CDK13: variants seen among roughly 807,000 people sequenced by gnomAD.
The protein encoded by CDK13 is cyclin-dependent kinase 13.
Under a neutral mutation model 137.6 loss-of-function variants are expected in CDK13, and 40 were observed. The observed-to-expected ratio is 0.29, with a 90% CI of 0.23 to 0.38. The LOEUF is 0.38. CDK13 is among the 10% of genes least tolerant of loss of function. The probability of loss-of-function intolerance (pLI) is 1.00; values close to 1 mark genes in which losing one functional copy is unlikely to be tolerated. For missense variants in CDK13, 1,704 were observed against 1,951.8 expected (o/e 0.87, Z 2.39); for synonymous variants, 869 against 760.1 (o/e 1.14, Z -2.36).
At chr7:40,025,879 AC>A (rs1239928482) in intron 5 of CDK13, among the ~76,000 whole-genome samples, 1 of 152,226 alleles carries the variant, frequency 6.6e-6, no homozygotes, top group Non-Finnish European at 1.5e-5. Context: ...TAGTTTTAAT[AC>A]CAGTTCTGCT....
Position 40,092,572 on chromosome 7 carries a change from A to T in CDK13, c.3236-213A>T, listed in dbSNP as rs1363360491. 7.7e-6 allele frequency: 4 copies of T among 522,456 alleles called. No individual in the cohort carries two copies. The East Asian group carries it at 9.5e-5, about 12-fold the overall frequency. The allele number at this position is 522,456 out of a possible 1,614,324, so 32.4% of individuals were successfully genotyped here. A position where few individuals can be genotyped will look rare whatever the true frequency, so the allele number is the denominator to read the frequency against. ...CCTTTTGAAGTATTTACCCCTAAAGATTTATTCAAAATTGACTGCAGTTCT... is the reference window on the plus strand; with the variant it reads ...CCTTTTGAAGTATTTACCCCTAAAGTTTTATTCAAAATTGACTGCAGTTCT... On this transcript the variant is annotated intron_variant, in intron 12 of 13. Transcript: ENST00000181839.
chr7:39,952,842 T>C (rs1193088495), intron 1 of CDK13: 1 of 152,188 alleles, frequency 6.6e-6, no homozygotes, highest in Non-Finnish European at 1.5e-5. Flanking sequence ...TTTTGTTATA[T>C]AATATTCTTT....
intron 5 of CDK13, among the ~76,000 whole-genome samples, chr7:40,032,774 C>T (rs2150506062): frequency 6.6e-6 from 1 of 151,922 alleles, no homozygotes; most frequent in East Asian, 1.9e-4. Context: ...CCACTGATAC[C>T]ATACTGTATT....
intron 1 of CDK13, among the ~76,000 whole-genome samples, chr7:39,980,387 A>T (rs1462035583): frequency 1.3e-5 from 2 of 151,752 alleles, no homozygotes; most frequent in African/African-American, 4.9e-5. Flanking sequence ...ATTTGAAACA[A>T]GGAGATGAAT....
intron 5 of CDK13, among the ~76,000 whole-genome samples, chr7:40,016,316 T>TA (rs1250558271): frequency 6.6e-6 from 1 of 152,196 alleles, no homozygotes; most frequent in Non-Finnish European, 1.5e-5. Context: ...GCTTGAGTGT[T>TA]ACAAGAAGAT....
Position 39,969,231 on chromosome 7 carries a change from C to T in CDK13, c.1211+17379C>T, listed in dbSNP as rs17496212. On this transcript the variant is annotated intron_variant, in intron 1 of 13. Coordinates refer to ENST00000181839, the MANE Select transcript of CDK13 (RefSeq NM_003718.5). ...TTTCACCATGTTGGCCAGCTGGTCTCGAACTCCTCACCTCAGGTGATCCAC... is the reference window on the plus strand; with the variant it reads ...TTTCACCATGTTGGCCAGCTGGTCTTGAACTCCTCACCTCAGGTGATCCAC... Among the ~76,000 whole-genome samples, 1,079 of 152,220 alleles carry T rather than the reference C, an allele frequency of 7.1e-3. 35 individuals carry two copies. Among genetic ancestry groups the T allele is most frequent in the Admixed American group, 0.058 (886 of 15,270 alleles).
chr7:40,095,331 C>G lies in CDK13; in HGVS notation c.*351C>G, dbSNP rs906526648. ...TTTGTGCTTTTTTTGTAAGTTTGGA[C>G]CAACTTTTATGTAACAAACAGCCCC... On this transcript the variant is annotated 3_prime_UTR_variant, in exon 14 of 14. Transcript: ENST00000181839. The G allele has an allele frequency of 1.9e-5, 3 of 159,524 alleles. No individual in the cohort carries two copies. Among genetic ancestry groups the G allele is most frequent in the African/African-American group, 7.2e-5 (3 of 41,714 alleles). The allele number at this position is 159,524 out of a possible 1,614,324, so 9.9% of individuals were successfully genotyped here.
chr7:40,020,167 A>C (rs1279428547), intron 5 of CDK13, among the ~76,000 whole-genome samples: 2 of 152,238 alleles, frequency 1.3e-5, no homozygotes, highest in East Asian at 3.9e-4. Context: ...TCCTGGGCTC[A>C]AGGGATTCTC....
At chr7:39,977,688 A>G (rs1784138916) in intron 1 of CDK13, among the ~76,000 whole-genome samples, 1 of 152,226 alleles carries the variant, frequency 6.6e-6, no homozygotes, top group African/African-American at 2.4e-5. Context: ...CAAGTCAAGC[A>G]GGGCCGAAGG....
rs1477635640 is a variant in CDK13, at chr7:40,005,487, G to A, written c.2353+3456G>A. 3.9e-5 allele frequency among the ~76,000 whole-genome samples: 6 copies of A among 151,960 alleles called. 1 individual carries two copies. The highest frequency in any genetic ancestry group is 2.0e-4 in the Admixed American group (3 of 15,242). On this transcript the variant is annotated intron_variant, in intron 5 of 13. Transcript: ENST00000181839. Reference sequence around the variant, plus strand: ...AATTTTTATGTTTTTAGTAGAGACAGGGTTTCGCTATGTTGGCCAGGCTGG... The same window carrying A: ...AATTTTTATGTTTTTAGTAGAGACAAGGTTTCGCTATGTTGGCCAGGCTGG...
At position 39,951,731 on chromosome 7, in the gene CDK13, C is replaced by G; in HGVS notation, c.1090C>G (p.Arg364Gly). The G allele has an allele frequency of 1.3e-6, 2 of 1,484,518 alleles. No homozygotes were observed. The highest frequency in any genetic ancestry group is 8.9e-7 in the Non-Finnish European group (1 of 1,128,044). The allele number at this position is 1,484,518 out of a possible 1,614,324, so 92.0% of individuals were successfully genotyped here. ...GCCGCGCTCCCCGAGCCCCTACAGTCGCCGCCGCTCCCCCAGCTACAGCCG... is the reference window on the plus strand; with the variant it reads ...GCCGCGCTCCCCGAGCCCCTACAGTGGCCGCCGCTCCCCCAGCTACAGCCG... Reference protein sequence around the residue: ...RLPRSPSPYSRRRSPSYSRHS... With the variant: ...RLPRSPSPYSGRRSPSYSRHS... The change falls in exon 1 of 14, where the codon CGC becomes GGC. Residue 364 changes from arginine (R) to glycine (G), a missense_variant. Around this residue, in one of 5 missense-constraint regions of CDK13, gnomAD observed 1,051 missense variants for 931.0 expected, o/e 1.13. Transcript: ENST00000181839.
chr7:40,010,697 A>C (rs1784876160), intron 5 of CDK13, among the ~76,000 whole-genome samples: 2 of 152,068 alleles, frequency 1.3e-5, no homozygotes, highest in African/African-American at 2.4e-5. Context: ...AAAACAAAAA[A>C]CAGTTGGAAC....
At chr7:40,046,918 C>G (rs17538055) in intron 6 of CDK13, among the ~76,000 whole-genome samples, 4,116 of 144,886 alleles carry the variant, frequency 0.028, 82 homozygotes, top group Non-Finnish European at 0.038. Flanking sequence ...ACGAGAATCG[C>G]TTGAATCCCA....
chr7:40,015,228 G>A (rs1276506276), intron 5 of CDK13, among the ~76,000 whole-genome samples: 2 of 152,148 alleles, frequency 1.3e-5, no homozygotes, highest in Non-Finnish European at 2.9e-5. Context: ...ATGACACATG[G>A]CAAAGGGACT....
chr7:39,964,537 G>T (rs1330035061), intron 1 of CDK13, among the ~76,000 whole-genome samples: 5 of 150,516 alleles, frequency 3.3e-5, no homozygotes, highest in African/African-American at 1.2e-4. Flanking sequence ...CTTGCTAGCG[G>T]TCTGTCAATT....
chr7:40,094,488 T>C lies in CDK13; in HGVS notation c.4047T>C (p.Tyr1349=), dbSNP rs769080230. ...CCTCTTCTTTCTCTTCTGCTCCTTA[T>C]GTTAGCAATGATGGTCTAGGAAGCA... ...FGSSSFSSAP[Y]VSNDGLGSSS... The change falls in exon 14 of 14, where the codon TAT becomes TAC. Residue 1349 remains tyrosine (Y), a synonymous_variant. Coordinates refer to ENST00000181839, the MANE Select transcript of CDK13 (RefSeq NM_003718.5). The C allele has an allele frequency of 1.1e-5, 17 of 1,613,522 alleles. No homozygotes were observed. The highest frequency in any genetic ancestry group is 4.4e-5 in the South Asian group (4 of 91,066).
At position 39,951,315 on chromosome 7, in the gene CDK13, G is replaced by T; in HGVS notation, c.674G>T (p.Gly225Val). ...EHRRRDGQRG[G>V]SEASKSRSRH... ...CGGCGGCGGGATGGGCAGCGCGGTG[G>T]CAGCGAGGCCTCCAAGTCCCGCAGC... is the stretch of plus-strand genomic sequence containing the variant. The change falls in exon 1 of 14, where the codon GGC (glycine) becomes GTC (valine). Residue 225 changes from glycine (G) to valine (V), a missense_variant. Gly to Val is a moderately radical substitution (Grantham distance 109). Transcript: ENST00000181839. 1 of 1,400,656 alleles carries T rather than the reference G, an allele frequency of 7.1e-7. No individual in the cohort carries two copies. The allele number at this position is 1,400,656 out of a possible 1,614,324, so 86.8% of individuals were successfully genotyped here. A position where few individuals can be genotyped will look rare whatever the true frequency, so the allele number is the denominator to read the frequency against.
intron 9 of CDK13, among the ~76,000 whole-genome samples, chr7:40,068,707 G>GAA (rs1158145409): frequency 0.019 from 895 of 47,054 alleles, 46 homozygotes; most frequent in African/African-American, 0.063. Flanking sequence ...CTATGTCTCA[G>GAA]AAAAAAAAAA....
At chr7:40,063,933 T>G (rs574424752) in intron 9 of CDK13, among the ~76,000 whole-genome samples, 2 of 152,230 alleles carry the variant, frequency 1.3e-5, no homozygotes, top group East Asian at 3.9e-4. Flanking sequence ...GTGCTGTGAT[T>G]ACAGGCATGA....
Sources: allele counts gnomAD v4.1 joint callset (sites outside exome capture counted in the v4.1 genomes callset), GRCh38; gene constraint gnomAD v4.1.1; regional missense constraint gnomAD v4.1.1; transcripts MANE v1.5; gene names NCBI Gene and HGNC (gene_info 2026-07-23, HGNC 2026-07-21).